Variants in GALNT2 observed in about 807,000 individuals in gnomAD.
GALNT2 encodes the protein polypeptide N-acetylgalactosaminyltransferase 2, also known as UDP-GalNAc:polypeptide N-acetylgalactosaminyltransferase 2.
A neutral mutation model predicts 81.4 loss-of-function variants in GALNT2; 31 were observed. That is an observed-to-expected ratio of 0.38 (90% CI 0.29 to 0.51). GALNT2 has a LOEUF of 0.51. Ranked by LOEUF, GALNT2 falls within the 20% of genes least tolerant of loss-of-function variation. GALNT2 has a pLI of 0.87. For synonymous variants in GALNT2, 303 were observed against 287.4 expected, an observed-to-expected ratio of 1.05 and a Z score of -0.55; for missense variants, 629 against 765.7, an observed-to-expected ratio of 0.82 and a Z score of 2.11.
At chr1:230,221,404 T>A (rs1664542949) in intron 3 of GALNT2, among the ~76,000 whole-genome samples, 1 of 152,212 alleles carries the variant, frequency 6.6e-6, no homozygotes, top group South Asian at 2.1e-4. Context: ...AGTGTGTTAT[T>A]TGGTTCTGAA....
intron 1 of GALNT2, among the ~76,000 whole-genome samples, chr1:230,096,072 C>G (rs1477191925): frequency 6.6e-6 from 1 of 152,224 alleles, no homozygotes; most frequent in East Asian, 1.9e-4. Flanking sequence ...GAGCCATTTG[C>G]TGGGCCAGGG....
Position 230,243,553 on chromosome 1 carries a change from C to A in GALNT2, c.729+126C>A. 1 of 1,219,332 alleles carries A rather than the reference C, an allele frequency of 8.2e-7. No individual in the cohort carries two copies. The allele number at this position is 1,219,332 out of a possible 1,614,324, so 75.5% of individuals were successfully genotyped here. A position where few individuals can be genotyped will look rare whatever the true frequency, so the allele number is the denominator to read the frequency against. ...CGTCAGGGCTGGTAGGGGCTGAGCTCGCCGTCTGCAGTTTTCCTTGATAGA... is the reference window on the plus strand; with the variant it reads ...CGTCAGGGCTGGTAGGGGCTGAGCTAGCCGTCTGCAGTTTTCCTTGATAGA... On this transcript the variant is annotated intron_variant, in intron 7 of 15. Coordinates refer to ENST00000366672, the MANE Select transcript of GALNT2 (RefSeq NM_004481.5). The surrounding 1 kb of genome is among the most constrained non-coding windows in gnomAD (Gnocchi z 4.2).
In GALNT2 at chr1:230,255,292, C is replaced by A; in HGVS notation, c.1084C>A (p.Arg362=). 6.2e-7 allele frequency: 1 copy of A among 1,614,230 alleles called. No homozygotes were observed. Among genetic ancestry groups the A allele is most frequent in the South Asian group, 1.1e-5 (1 of 91,084 alleles). ...GTGCAGCCGTGTGGGACACGTGTTC[C>A]GGAAGCAGCACCCCTACACGTTCCC... ...IPCSRVGHVF[R]KQHPYTFPGG... Residue 362 remains arginine (R), a synonymous_variant, in exon 11 of 16, where the codon CGG becomes AGG. Coordinates refer to ENST00000366672, the MANE Select transcript of GALNT2 (RefSeq NM_004481.5).
chr1:230,060,988 C>T (rs1015150920), intron 1 of GALNT2, among the ~76,000 whole-genome samples: 1 of 152,088 alleles, frequency 6.6e-6, no homozygotes, highest in Non-Finnish European at 1.5e-5. Flanking sequence ...GCTCCAGGCT[C>T]ATTTAATACC....
chr1:230,059,713 G>A (rs1658999228), intron 1 of GALNT2, among the ~76,000 whole-genome samples: 1 of 152,100 alleles, frequency 6.6e-6, no homozygotes, highest in Non-Finnish European at 1.5e-5. Context: ...CAAAAAAGTT[G>A]CAAAAATAGT....
At chr1:230,194,052 A>G (rs1169681091) in intron 2 of GALNT2, among the ~76,000 whole-genome samples, 1 of 152,186 alleles carries the variant, frequency 6.6e-6, no homozygotes, top group Non-Finnish European at 1.5e-5. Flanking sequence ...ACCAGGAAAA[A>G]ACAGATTCTG....
At chr1:230,200,978 GTA>G (rs1359167906) in intron 2 of GALNT2, among the ~76,000 whole-genome samples, 5 of 152,192 alleles carry the variant, frequency 3.3e-5, no homozygotes, top group African/African-American at 1.2e-4. Flanking sequence ...AGCCTCTTTT[GTA>G]TTAGTCCGTG....
At chr1:230,100,159 AG>A (rs1336778325) in intron 1 of GALNT2, among the ~76,000 whole-genome samples, 1 of 152,196 alleles carries the variant, frequency 6.6e-6, no homozygotes, top group African/African-American at 2.4e-5. Flanking sequence ...GACTCCAGGT[AG>A]CTTGCTTAAA....
chr1:230,133,186 A>G, intron 1 of GALNT2, among the ~76,000 whole-genome samples: 1 of 152,202 alleles, frequency 6.6e-6, no homozygotes, highest in East Asian at 1.9e-4. Flanking sequence ...ACTTATGATG[A>G]ACCTTTTTAT....
intron 1 of GALNT2, among the ~76,000 whole-genome samples, chr1:230,133,638 A>G (rs906176734): frequency 4.6e-5 from 7 of 152,032 alleles, no homozygotes; most frequent in Non-Finnish European, 2.9e-5. Flanking sequence ...TGTTTTTGGT[A>G]GAGATGAGGT....
In GALNT2 at chr1:230,265,244, T is replaced by A; in HGVS notation, c.1317T>A (p.Val439=). The part of the protein sequence containing the change: ...YLENVYPELR[V]PDHQDIAFGA... ...TGATTCTCACGTTGTTTTTCAGGGTTCCAGACCATCAGGATATAGCTTTTG... is the reference window on the plus strand; with the variant it reads ...TGATTCTCACGTTGTTTTTCAGGGTACCAGACCATCAGGATATAGCTTTTG... The change falls in exon 14 of 16, where the codon GTT becomes GTA. Residue 439 remains valine, a synonymous_variant. Coordinates refer to ENST00000366672, the MANE Select transcript of GALNT2 (RefSeq NM_004481.5). 1 of 1,614,192 alleles carries A rather than the reference T, an allele frequency of 6.2e-7. No individual in the cohort carries two copies. The highest frequency in any genetic ancestry group is 8.5e-7 in the Non-Finnish European group (1 of 1,180,030).
At chr1:230,137,872 G>A (rs1004347418) in intron 1 of GALNT2, among the ~76,000 whole-genome samples, 2 of 152,164 alleles carry the variant, frequency 1.3e-5, no homozygotes, top group Non-Finnish European at 2.9e-5. Context: ...TTCTGTTGAC[G>A]TTGTTGGAAA....
chr1:230,211,226 C>T (rs1023630668), intron 3 of GALNT2, among the ~76,000 whole-genome samples: 3 of 151,360 alleles, frequency 2.0e-5, no homozygotes, highest in Non-Finnish European at 4.4e-5. Flanking sequence ...CCACTCCTCC[C>T]GCATCAATTT....
At chr1:230,277,868 T>C (rs1666341018) in intron 15 of GALNT2, among the ~76,000 whole-genome samples, 1 of 152,208 alleles carries the variant, frequency 6.6e-6, no homozygotes, top group South Asian at 2.1e-4. Context: ...TTTCATATGT[T>C]GTGCATATTT....
chr1:230,257,300 C>T lies in GALNT2; in HGVS notation c.1136+1956C>T, dbSNP rs1665743265. The stretch of plus-strand genomic sequence containing the variant: ...TGAAACAATGGTACGAGTGCCCCCT[C>T]CACTCTTGGAGCCAGAAGCAAGGGT... On this transcript the variant is annotated intron_variant, in intron 11 of 15. Transcript: ENST00000366672. The surrounding 1 kb of genome is among the most constrained non-coding windows in gnomAD (Gnocchi z 4.6). Among the ~76,000 whole-genome samples the T allele has an allele frequency of 6.6e-6, 1 of 152,228 alleles. No individual in the cohort carries two copies. Among genetic ancestry groups the T allele is most frequent in the African/African-American group, 2.4e-5 (1 of 41,450 alleles).
At chr1:230,166,304 G>A (rs1057395869) in intron 1 of GALNT2, among the ~76,000 whole-genome samples, 1 of 152,128 alleles carries the variant, frequency 6.6e-6, no homozygotes, top group Non-Finnish European at 1.5e-5. Context: ...TGTTTGTTAG[G>A]AACTTTTTCA....
At chr1:230,101,933 A>G (rs957422303) in intron 1 of GALNT2, among the ~76,000 whole-genome samples, 1 of 152,244 alleles carries the variant, frequency 6.6e-6, no homozygotes, top group African/African-American at 2.4e-5. Context: ...TTTGCCAGAC[A>G]GAAGCACAAA....
At chr1:230,102,556 C>T (rs1660432499) in intron 1 of GALNT2, among the ~76,000 whole-genome samples, 3 of 152,072 alleles carry the variant, frequency 2.0e-5, no homozygotes, top group Admixed American at 6.5e-5. Flanking sequence ...TTGGGGGTTC[C>T]GTTTCGAGAG....
At chr1:230,229,567 C>T (rs1664811285) in intron 3 of GALNT2, among the ~76,000 whole-genome samples, 1 of 152,148 alleles carries the variant, frequency 6.6e-6, no homozygotes, top group Non-Finnish European at 1.5e-5. Flanking sequence ...ACCAGTAGTC[C>T]TACTTGTGGG....
Sources: gnomAD v4.1 joint callset for allele counts (sites outside exome capture counted in the v4.1 genomes callset) on GRCh38, gnomAD v4.1.1 for gene constraint, Gnocchi (gnomAD v3.1) non-coding constraint, MANE v1.5 for transcripts, NCBI Gene and HGNC (gene_info 2026-07-23, HGNC 2026-07-21) for gene names.